Variants in PKD1L1 observed in about 807,000 individuals in gnomAD.
PKD1L1 encodes the protein polycystin 1 like 1, transient receptor potential channel interacting, also known as polycystin-1-like protein 1.
PKD1L1 carries 236 observed loss-of-function variants against 323.4 expected under a neutral mutation model. The ratio of observed to expected loss-of-function variants is 0.73; its 90% confidence interval spans 0.66 to 0.81. PKD1L1 has a LOEUF of 0.81. PKD1L1 is among the 40% of genes least tolerant of loss of function. The probability of loss-of-function intolerance (pLI) is 0.00; values close to 1 mark genes in which losing one functional copy is unlikely to be tolerated. For missense variants in PKD1L1, 3,320 were observed against 3,508.0 expected (o/e 0.95, Z 1.35); for synonymous variants, 1,344 against 1,335.0 (o/e 1.01, Z -0.15).
At chr7:47,819,886 C>A in intron 46 of PKD1L1, 1 of 249,616 alleles carries the variant, frequency 4.0e-6, no homozygotes, top group Non-Finnish European at 7.7e-6. Flanking sequence ...AAAAATCCAA[C>A]CAAAAAGTAT....
At chr7:47,931,451 T>A in intron 5 of PKD1L1, 130 bp from the exon 6 acceptor site, 1 of 966,198 alleles carries the variant, frequency 1.0e-6, no homozygotes, top group Non-Finnish European at 1.5e-6. Context: ...GCTATTTGGG[T>A]GGGTGACCAC....
chr7:47,910,742 C>T (rs1372103334), intron 8 of PKD1L1, among the ~76,000 whole-genome samples: 1 of 151,572 alleles, frequency 6.6e-6, no homozygotes, highest in Non-Finnish European at 1.5e-5. Flanking sequence ...ACTGCAACCT[C>T]TCCTCCTGGA....
At chr7:47,914,346 T>C (rs1787384659) in intron 8 of PKD1L1, among the ~76,000 whole-genome samples, 1 of 152,186 alleles carries the variant, frequency 6.6e-6, no homozygotes, top group Admixed American at 6.5e-5. Context: ...CAAATAAGAA[T>C]GATCAGAATG....
At chr7:47,781,840 G>A (rs1786704904) in intron 56 of PKD1L1, among the ~76,000 whole-genome samples, 1 of 152,038 alleles carries the variant, frequency 6.6e-6, no homozygotes, top group East Asian at 1.9e-4. Flanking sequence ...TTTGTATATG[G>A]TATGAGGTAT....
chr7:47,839,724 C>T lies in PKD1L1; in HGVS notation c.5553-62G>A. ...TGACAGTGTGGTCCTGGCATCCCAT[C>T]AGCCCCAATGCTCACCCTCAAGGCA... is the stretch of plus-strand genomic sequence containing the variant. On this transcript the variant is annotated intron_variant, in intron 35 of 56. Transcript: ENST00000289672. This position sits in a 1 kb window ranked among gnomAD's most constrained non-coding sequence, Gnocchi z 4.3. 1 of 1,472,552 alleles carries T rather than the reference C, an allele frequency of 6.8e-7. No individual in the cohort carries two copies. The highest frequency in any genetic ancestry group is 9.2e-7 in the Non-Finnish European group (1 of 1,083,272). The allele number at this position is 1,472,552 out of a possible 1,614,324, so 91.2% of individuals were successfully genotyped here. A position where few individuals can be genotyped will look rare whatever the true frequency, so the allele number is the denominator to read the frequency against.
In PKD1L1 at chr7:47,942,770, G is replaced by A. The variant is rs561295189; in HGVS notation, c.160+626C>T. 1.1e-4 allele frequency among the ~76,000 whole-genome samples: 17 copies of A among 152,188 alleles called. 1 individual carries two copies. The South Asian group carries it at 3.1e-3, about 28-fold the overall frequency. ...CCCACTTACAGTCTTGGTTGTTCTC[G>A]AAGTGTGGCCCCCAGATCTCAGCCT... On this transcript the variant is annotated intron_variant, in intron 2 of 56. Coordinates refer to ENST00000289672, the MANE Select transcript of PKD1L1 (RefSeq NM_138295.5).
chr7:47,920,277 A>C (rs553874648), intron 7 of PKD1L1, among the ~76,000 whole-genome samples: 205 of 137,762 alleles, frequency 1.5e-3, no homozygotes, highest in African/African-American at 5.9e-3. Flanking sequence ...TGCAAAAAAA[A>C]CCAAAACAAA....
rs141478634 is a variant in PKD1L1 at position 47,782,306 on chromosome 7, G to A, written c.8527-7140C>T. Reference sequence around the variant, plus strand: ...AATTACATTTCCTTACTCCTGCCTGGCAACAGGACAAGGATGTTGGTCAAA... The same window carrying A: ...AATTACATTTCCTTACTCCTGCCTGACAACAGGACAAGGATGTTGGTCAAA... On this transcript the variant is annotated intron_variant, in intron 56 of 56. Transcript: ENST00000289672. Among the ~76,000 whole-genome samples the A allele has an allele frequency of 1.7e-3, 253 of 152,168 alleles. 4 individuals carry two copies. Among genetic ancestry groups the A allele is most frequent in the African/African-American group, 6.0e-3 (248 of 41,494 alleles).
chr7:47,953,941 C>G, the PKD1L1 span, among the ~76,000 whole-genome samples: 1 of 152,216 alleles, frequency 6.6e-6, no homozygotes, highest in South Asian at 2.1e-4. Context: ...AGGGGAGGAT[C>G]CTCCCCCAGA....
intron 17 of PKD1L1, among the ~76,000 whole-genome samples, chr7:47,887,223 G>T (rs1238213844): frequency 6.6e-6 from 1 of 152,232 alleles, no homozygotes. Context: ...TCTACTTGTG[G>T]AAGCTTTGAA....
intron 45 of PKD1L1, among the ~76,000 whole-genome samples, chr7:47,827,104 A>T (rs964225790): frequency 6.6e-6 from 1 of 152,248 alleles, no homozygotes; most frequent in African/African-American, 2.4e-5. Flanking sequence ...CAACTTCTCA[A>T]CATGGGCAAA....
intron 7 of PKD1L1, among the ~76,000 whole-genome samples, chr7:47,924,287 A>G (rs1206849798): frequency 6.6e-6 from 1 of 152,318 alleles, no homozygotes; most frequent in East Asian, 1.9e-4. Flanking sequence ...AACAATTGGG[A>G]TGAAATCACA....
rs771537915 is a variant in PKD1L1 at position 47,837,146 on chromosome 7, C to A, written c.5770-52G>T. On this transcript the variant is annotated intron_variant, in intron 36 of 56. Transcript: ENST00000289672. Reference sequence around the variant, plus strand: ...CCCTGACATGGAGCATTTCTGTCAGCAAAGCAAAGTACTGTTAAGCAGTGA... The same window carrying A: ...CCCTGACATGGAGCATTTCTGTCAGAAAAGCAAAGTACTGTTAAGCAGTGA... The A allele has an allele frequency of 1.1e-5, 17 of 1,585,638 alleles. No individual in the cohort carries two copies. In the South Asian group the frequency reaches 1.9e-4, roughly 18 times the overall value.
chr7:47,828,325 G>T (rs764090831), intron 44 of PKD1L1, among the ~76,000 whole-genome samples: 4 of 151,994 alleles, frequency 2.6e-5, no homozygotes, highest in Non-Finnish European at 4.4e-5. Context: ...GAAAGAAAAT[G>T]AACAAACTGG....
chr7:47,935,747 T>C (rs952299303), intron 4 of PKD1L1, among the ~76,000 whole-genome samples: 1 of 152,204 alleles, frequency 6.6e-6, no homozygotes, highest in Non-Finnish European at 1.5e-5. Flanking sequence ...TCCTGTCAGG[T>C]TTGAGGATTT....
Position 47,880,788 on chromosome 7 carries a change from C to T in PKD1L1, c.3460G>A (p.Val1154Met). The T allele has an allele frequency of 6.2e-7, 1 of 1,606,244 alleles. No homozygotes were observed. The change falls in exon 21 of 57, where the codon GTG (valine) becomes ATG (methionine). Residue 1154 changes from valine (V) to methionine (M), a missense_variant. Val to Met is a conservative substitution (Grantham distance 21, BLOSUM62 1). Transcript: ENST00000289672. ...CTCAGAGAGTATGGCTTGATTGTCA[C>T]TGTCTGTTCTGTAATACCTGCAGAA... ...YSSSGITEQT[V>M]TIKPYSLSSG...
chr7:47,856,100 T>A (rs1785898733), intron 28 of PKD1L1, among the ~76,000 whole-genome samples: 1 of 151,836 alleles, frequency 6.6e-6, no homozygotes, highest in Admixed American at 6.6e-5. Context: ...TGCAGTGGTG[T>A]GATCTCAGCT....
At position 47,890,748 on chromosome 7, in the gene PKD1L1, GC is replaced by G; in HGVS notation, c.2468del (p.Cys823SerfsTer43). 6.2e-7 allele frequency: 1 copy of G among 1,612,370 alleles called. No individual in the cohort carries two copies. The highest frequency in any genetic ancestry group is 1.1e-5 in the South Asian group (1 of 90,982). On this transcript the variant is annotated frameshift_variant, in exon 16 of 57. Coordinates refer to ENST00000289672, the MANE Select transcript of PKD1L1 (RefSeq NM_138295.5). LOFTEE classifies it high-confidence loss of function. ...GATGTGCTGGGGAGCCAGCGGTGGC[GC>G]ATTCCCAGTGATACCTGTTGGAGAA... ...PGATLRYHWE[C>X]ATAGSPAHPC...
chr7:47,858,978 T>C, intron 26 of PKD1L1, 93 bp from the exon 27 acceptor site: 2 of 1,473,344 alleles, frequency 1.4e-6, no homozygotes, highest in South Asian at 2.4e-5. Context: ...TCATAAAGCT[T>C]AGCTGCATGA....
Sources: gnomAD v4.1 joint callset for allele counts (sites outside exome capture counted in the v4.1 genomes callset) on GRCh38, gnomAD v4.1.1 for gene constraint, Gnocchi (gnomAD v3.1) non-coding constraint, MANE v1.5 for transcripts, NCBI Gene and HGNC (gene_info 2026-07-23, HGNC 2026-07-21) for gene names.